Variants in RRN3 observed in about 807,000 individuals in gnomAD.
The protein encoded by RRN3 is RNA polymerase I transcription factor RRN3.
RRN3 carries 38 observed loss-of-function variants against 82.3 expected under a neutral mutation model. The ratio of observed to expected loss-of-function variants is 0.46; its 90% CI spans 0.36 to 0.61. The LOEUF (loss-of-function observed/expected upper bound fraction) is 0.61. RRN3 is among the 20% of genes least tolerant of loss of function. The pLI, the probability that RRN3 is intolerant of heterozygous loss-of-function variation, is 0.00. For synonymous variants in RRN3, 284 were observed against 284.3 expected, an observed-to-expected ratio of 1.00 and a Z score of 0.01; for missense variants, 726 against 793.1, an observed-to-expected ratio of 0.92 and a Z score of 1.02.
In RRN3 at chr16:15,079,005, T is replaced by G. The variant is rs1462330423; in HGVS notation, c.765+993A>C. Among the ~76,000 whole-genome samples, 6 of 151,972 alleles carry G rather than the reference T, an allele frequency of 3.9e-5. No individual in the cohort carries two copies. The East Asian group carries it at 9.7e-4, about 24-fold the overall frequency. On this transcript the variant is annotated intron_variant, in intron 9 of 17. Transcript: ENST00000198767. ...TTTTTGTATTTTTAGTGAGACAGAG[T>G]TTCACCATGTTAGCCAGGATGGTCT...
intron 10 of RRN3, among the ~76,000 whole-genome samples, chr16:15,075,790 G>A (rs1393477750): frequency 6.6e-6 from 1 of 152,098 alleles, no homozygotes; most frequent in African/African-American, 2.4e-5. Context: ...ACCATGGCGG[G>A]TGCTTTTGGT....
Position 15,071,183 on chromosome 16 carries a change from G to C in RRN3, c.1197C>G (p.Ile399Met). Reference sequence around the variant, plus strand: ...CAATATAATTTCCAGCAGCCTGCCTGATGATGGCAGGATTACTTGGGTCCT... The same window carrying C: ...CAATATAATTTCCAGCAGCCTGCCTCATGATGGCAGGATTACTTGGGTCCT... ...KLQDPSNPAIIRQAAGNYIGS... is the reference protein window; with the variant it reads ...KLQDPSNPAIMRQAAGNYIGS... The change falls in exon 13 of 18, where the codon ATC becomes ATG. Residue 399 changes from isoleucine to methionine, a missense_variant. By Grantham distance (10) the Ile-to-Met change is conservative. Around this residue, in one of 4 missense-constraint regions of RRN3, gnomAD observed 81 missense variants for 156.4 expected, o/e 0.52. Transcript: ENST00000198767. 1 of 1,610,712 alleles carries C rather than the reference G, an allele frequency of 6.2e-7. No individual in the cohort carries two copies. Among genetic ancestry groups the C allele is most frequent in the Non-Finnish European group, 8.5e-7 (1 of 1,179,052 alleles).
intron 15 of RRN3, among the ~76,000 whole-genome samples, chr16:15,067,467 A>C (rs910771798): frequency 8.8e-5 from 9 of 102,060 alleles, no homozygotes; most frequent in Non-Finnish European, 1.2e-4. Flanking sequence ...AGTGCTTAGA[A>C]CTGCCTGGCA....
At chr16:15,089,277 C>T (rs956813727) in intron 3 of RRN3, among the ~76,000 whole-genome samples, 3 of 151,968 alleles carry the variant, frequency 2.0e-5, no homozygotes, top group Non-Finnish European at 4.4e-5. Flanking sequence ...GGTGACAGAG[C>T]AAGACTCTGT....
intron 14 of RRN3, among the ~76,000 whole-genome samples, chr16:15,068,605 G>C (rs2045082233): frequency 6.6e-6 from 1 of 152,328 alleles, no homozygotes; most frequent in African/African-American, 2.4e-5. Flanking sequence ...AAAAGACCTT[G>C]TGATTTGGTT....
intron 3 of RRN3, among the ~76,000 whole-genome samples, chr16:15,087,487 G>A (rs1286613600): frequency 6.6e-6 from 1 of 152,092 alleles, no homozygotes; most frequent in African/African-American, 2.4e-5. Context: ...CCCTATATGC[G>A]GAGAAGAAGC....
intron 9 of RRN3, among the ~76,000 whole-genome samples, chr16:15,077,918 C>G (rs1221672761): frequency 2.0e-5 from 3 of 152,308 alleles, no homozygotes; most frequent in Admixed American, 2.0e-4. Context: ...TGGACTAATA[C>G]AATCTCTATG....
chr16:15,080,697 T>C (rs1428075670), intron 8 of RRN3, among the ~76,000 whole-genome samples: 2 of 152,214 alleles, frequency 1.3e-5, no homozygotes, highest in Non-Finnish European at 2.9e-5. Flanking sequence ...GCTGTGATTA[T>C]GGGCATAAGC....
intron 16 of RRN3, among the ~76,000 whole-genome samples, chr16:15,063,659 C>T (rs1238515220): frequency 7.0e-6 from 1 of 143,574 alleles, no homozygotes; most frequent in African/African-American, 2.5e-5. Flanking sequence ...GAGCCGAGAT[C>T]GCGCCACTGC....
chr16:15,074,805 C>G lies in RRN3; in HGVS notation c.915G>C (p.Gln305His), dbSNP rs2045381324. ...GGCGCTCGGCTACAGGATGCACCAT[C>G]TGGTCGAGCCGTTCAGGACCAGCCT... ...ETKAGPERLD[Q>H]MVHPVAERLD... Residue 305 changes from glutamine to histidine, a missense_variant, in exon 11 of 18, where the codon CAG becomes CAC. Transcript: ENST00000198767. 1.9e-6 allele frequency: 3 copies of G among 1,614,014 alleles called. No homozygotes were observed. Among genetic ancestry groups the G allele is most frequent in the Non-Finnish European group, 1.7e-6 (2 of 1,179,986 alleles).
intron 12 of RRN3, 73 bp downstream of exon 12, chr16:15,072,877 C>T (rs2045296187): frequency 1.3e-6 from 2 of 1,490,296 alleles, no homozygotes; most frequent in Non-Finnish European, 1.9e-6. Flanking sequence ...TCTCCGTCCA[C>T]CCCAGTTTTT....
intron 3 of RRN3, among the ~76,000 whole-genome samples, chr16:15,086,964 T>C (rs937009025): frequency 2.0e-5 from 3 of 152,236 alleles, no homozygotes; most frequent in African/African-American, 7.2e-5. Flanking sequence ...GATTGTTCTG[T>C]ATAAATGATA....
chr16:15,072,863 A>G (rs1417245939), intron 12 of RRN3, 87 bp downstream of exon 12: 1 of 1,315,220 alleles, frequency 7.6e-7, no homozygotes. Flanking sequence ...TATTTACTTC[A>G]TGGTCTCCGT....
chr16:15,060,091 G>A lies in RRN3; in HGVS notation c.*1653C>T, dbSNP rs189426387. The A allele has an allele frequency of 1.6e-4, 52 of 318,194 alleles. No homozygotes were observed. The East Asian group carries it at 4.3e-3, about 26-fold the overall frequency. The allele number at this position is 318,194 out of a possible 1,614,324, so 19.7% of individuals were successfully genotyped here. A position where few individuals can be genotyped will look rare whatever the true frequency, so the allele number is the denominator to read the frequency against. On this transcript the variant is annotated 3_prime_UTR_variant, in exon 18 of 18. Coordinates refer to ENST00000198767, the MANE Select transcript of RRN3 (RefSeq NM_018427.5). ...TAAGTTCCAGATTAACCATGTCATT[G>A]TTTCATTTTCACCATGGATTTTTTT... is the stretch of plus-strand genomic sequence containing the variant.
intron 1 of RRN3, among the ~76,000 whole-genome samples, chr16:15,092,844 C>T (rs1172996437): frequency 2.0e-5 from 3 of 152,148 alleles, no homozygotes; most frequent in African/African-American, 7.2e-5. Context: ...CTTTAAGATC[C>T]TACATTAATC....
rs866653947 is a variant in RRN3, at chr16:15,065,192, C to G, written c.1706+27G>C. The G allele has an allele frequency of 2.5e-6, 4 of 1,569,888 alleles. No individual in the cohort carries two copies. In the African/African-American group the frequency reaches 5.5e-5, roughly 22 times the overall value. Reference sequence around the variant, plus strand: ...AAAAAAAAAAAAAAATCCACCTCCTCCAGCGTCAATGTTTAAAAGTACCTA... The same window carrying G: ...AAAAAAAAAAAAAAATCCACCTCCTGCAGCGTCAATGTTTAAAAGTACCTA... On this transcript the variant is annotated intron_variant, in intron 16 of 17. Coordinates refer to ENST00000198767, the MANE Select transcript of RRN3 (RefSeq NM_018427.5).
intron 14 of RRN3, among the ~76,000 whole-genome samples, 188 bp downstream of exon 14, chr16:15,069,882 A>G (rs1242777548): frequency 6.6e-6 from 1 of 152,196 alleles, no homozygotes; most frequent in Non-Finnish European, 1.5e-5. Context: ...AGGGTTCTCA[A>G]GCTCAAATCT....
chr16:15,070,060 C>A lies in RRN3; in HGVS notation c.1444+10G>T, dbSNP rs576826972. 137 of 1,472,556 alleles carry A rather than the reference C, an allele frequency of 9.3e-5. No individual in the cohort carries two copies. In the African/African-American group the frequency reaches 1.2e-3, roughly 13 times the overall value. The allele number at this position is 1,472,556 out of a possible 1,614,324, so 91.2% of individuals were successfully genotyped here. On this transcript the variant is annotated intron_variant, in intron 14 of 17. Coordinates refer to ENST00000198767, the MANE Select transcript of RRN3 (RefSeq NM_018427.5). The stretch of plus-strand genomic sequence containing the variant: ...AGGAAAATCCAGTCCAGCACTCCCA[C>A]AACACTGACCTTCTTTCAGGTTTCC...
At chr16:15,083,603 C>T (rs1597973046) in intron 7 of RRN3, 21 bp from the exon 8 acceptor site, 1 of 1,588,950 alleles carries the variant, frequency 6.3e-7, no homozygotes, top group East Asian at 2.2e-5. Context: ...AAAATTAAAT[C>T]AATCCATGTT....
Sources: allele counts gnomAD v4.1 joint callset (sites outside exome capture counted in the v4.1 genomes callset), GRCh38; gene constraint gnomAD v4.1.1; regional missense constraint gnomAD v4.1.1; transcripts MANE v1.5; gene names NCBI Gene and HGNC (gene_info 2026-07-23, HGNC 2026-07-21).